PDZRN4: variants seen among roughly 807,000 people sequenced by gnomAD.
PDZRN4 encodes the protein PDZ domain containing ring finger 4.
PDZRN4 carries 70 observed loss-of-function variants against 99.0 expected under a neutral mutation model. The observed-to-expected ratio is 0.71, with a 90% CI of 0.58 to 0.86. The LOEUF (loss-of-function observed/expected upper bound fraction) is 0.86, where lower values mean the gene tolerates loss of function less well. PDZRN4 is among the 40% of genes least tolerant of loss of function. The pLI is 0.00. For missense variants in PDZRN4, 1,474 were observed against 1,331.2 expected, an observed-to-expected ratio of 1.11 and a Z score of -1.67; for synonymous variants, 551 against 501.6, an observed-to-expected ratio of 1.10 and a Z score of -1.32.
intron 3 of PDZRN4, among the ~76,000 whole-genome samples, chr12:41,209,843 G>A (rs1242807604): frequency 2.0e-5 from 3 of 149,534 alleles, no homozygotes; most frequent in African/African-American, 7.4e-5. Context: ...ATGATTTATA[G>A]TCCTTTGGGT....
intron 6 of PDZRN4, among the ~76,000 whole-genome samples, chr12:41,553,751 CAT>C (rs1210370282): frequency 6.6e-6 from 1 of 152,008 alleles, no homozygotes; most frequent in African/African-American, 2.4e-5. Context: ...TAAAAAATTA[CAT>C]ACTTATATGT....
chr12:41,525,134 C>A (rs900461819), intron 5 of PDZRN4, among the ~76,000 whole-genome samples: 2 of 152,022 alleles, frequency 1.3e-5, no homozygotes, highest in African/African-American at 4.8e-5. Flanking sequence ...CTTAGACATG[C>A]ATATAAAGAT....
intron 3 of PDZRN4, among the ~76,000 whole-genome samples, chr12:41,290,664 C>T (rs1341650604): frequency 1.3e-5 from 2 of 151,870 alleles, no homozygotes; most frequent in Admixed American, 6.6e-5. Context: ...AATAATAATT[C>T]TGAAATAGAC....
intron 3 of PDZRN4, among the ~76,000 whole-genome samples, chr12:41,260,495 C>A (rs1951230144): frequency 6.6e-6 from 1 of 151,830 alleles, no homozygotes; most frequent in African/African-American, 2.4e-5. Flanking sequence ...AGTTATGACC[C>A]CAATTATACA....
intron 3 of PDZRN4, among the ~76,000 whole-genome samples, chr12:41,402,895 G>A (rs1012223725): frequency 1.3e-5 from 2 of 151,702 alleles, no homozygotes; most frequent in African/African-American, 2.4e-5. Flanking sequence ...TGTGTGTAAC[G>A]TGAGCTAAAT....
chr12:41,291,540 T>A (rs1221510494), intron 3 of PDZRN4, among the ~76,000 whole-genome samples: 1 of 152,192 alleles, frequency 6.6e-6, no homozygotes, highest in African/African-American at 2.4e-5. Flanking sequence ...TTATTATTCT[T>A]TATTTACATG....
At chr12:41,332,325 G>A (rs1285791586) in intron 3 of PDZRN4, among the ~76,000 whole-genome samples, 1 of 152,102 alleles carries the variant, frequency 6.6e-6, no homozygotes, top group Non-Finnish European at 1.5e-5. Flanking sequence ...AAGTTAGGAG[G>A]AAGGTGAAAG....
At chr12:41,543,330 T>G (rs117966517) in intron 5 of PDZRN4, among the ~76,000 whole-genome samples, 4 of 151,876 alleles carry the variant, frequency 2.6e-5, no homozygotes, top group African/African-American at 9.7e-5. Context: ...AATTAAAAAG[T>G]GTGTGTGTGT....
chr12:41,353,457 C>T (rs1034200748), intron 3 of PDZRN4, among the ~76,000 whole-genome samples: 5 of 152,004 alleles, frequency 3.3e-5, no homozygotes, highest in South Asian at 2.1e-4. Context: ...GACTTTATAA[C>T]GAAAGATAGG....
chr12:41,452,560 T>G (rs1952784520), intron 3 of PDZRN4, among the ~76,000 whole-genome samples: 2 of 152,124 alleles, frequency 1.3e-5, no homozygotes, highest in African/African-American at 4.8e-5. Context: ...GCATAGCAAA[T>G]GGTACCCCTG....
intron 3 of PDZRN4, among the ~76,000 whole-genome samples, chr12:41,226,534 A>T (rs1367591672): frequency 6.6e-6 from 1 of 151,880 alleles, no homozygotes; most frequent in Non-Finnish European, 1.5e-5. Context: ...TTAGATTCCC[A>T]AAGGGGTCCA....
intron 5 of PDZRN4, among the ~76,000 whole-genome samples, chr12:41,546,982 G>A (rs892273013): frequency 1.3e-5 from 2 of 152,150 alleles, no homozygotes; most frequent in African/African-American, 4.8e-5. Context: ...ACAAATGGCC[G>A]TGGATAGTTA....
At chr12:41,228,585 A>T (rs978650415) in intron 3 of PDZRN4, among the ~76,000 whole-genome samples, 4 of 152,282 alleles carry the variant, frequency 2.6e-5, no homozygotes, top group Non-Finnish European at 4.4e-5. Context: ...GGAGAATGTT[A>T]TCATCTTCCT....
intron 3 of PDZRN4, among the ~76,000 whole-genome samples, chr12:41,376,707 C>T (rs1409929516): frequency 1.3e-5 from 2 of 151,708 alleles, no homozygotes; most frequent in East Asian, 1.9e-4. Context: ...ATGTTTTTTT[C>T]GTTGTACAGA....
chr12:41,358,356 C>T (rs1025583369), intron 3 of PDZRN4, among the ~76,000 whole-genome samples: 1 of 151,946 alleles, frequency 6.6e-6, no homozygotes, highest in Non-Finnish European at 1.5e-5. Context: ...ACTCTATTTT[C>T]TTATATTTAA....
chr12:41,540,996 C>T (rs1938843769), intron 5 of PDZRN4, among the ~76,000 whole-genome samples: 1 of 152,020 alleles, frequency 6.6e-6, no homozygotes, highest in Non-Finnish European at 1.5e-5. Flanking sequence ...GTGATCTTGG[C>T]TCACTGCAAG....
At chr12:41,472,160 C>T (rs1952999451) in intron 3 of PDZRN4, among the ~76,000 whole-genome samples, 1 of 152,104 alleles carries the variant, frequency 6.6e-6, no homozygotes, top group South Asian at 2.1e-4. Flanking sequence ...TGTGCCACCA[C>T]ACCCAGCTAA....
intron 3 of PDZRN4, among the ~76,000 whole-genome samples, chr12:41,279,030 G>A (rs1490831256): frequency 1.3e-5 from 2 of 152,116 alleles, no homozygotes; most frequent in Non-Finnish European, 2.9e-5. Context: ...AAAAATAAAG[G>A]CAGGGTGACA....
intron 3 of PDZRN4, among the ~76,000 whole-genome samples, chr12:41,345,319 G>C (rs1951845622): frequency 6.6e-6 from 1 of 152,046 alleles, no homozygotes. Flanking sequence ...ATAAATTCAT[G>C]ACCCACCCTC....
Sources: allele counts gnomAD v4.1 joint callset (sites outside exome capture counted in the v4.1 genomes callset), GRCh38; gene constraint gnomAD v4.1.1; transcripts MANE v1.5; gene names NCBI Gene and HGNC (gene_info 2026-07-23, HGNC 2026-07-21).